The following MED27 variants were observed in gnomAD, a reference collection of about 807,000 sequenced individuals.
The protein encoded by MED27 is mediator of RNA polymerase II transcription subunit 27.
Under a neutral mutation model 38.2 loss-of-function variants are expected in MED27, and 30 were observed. The observed-to-expected ratio is 0.79, with a 90% CI of 0.59 to 1.07. MED27 has a LOEUF of 1.07. Ranked by LOEUF, MED27 falls within the 50% of genes least tolerant of loss-of-function variation. The pLI is 0.00. For synonymous variants in MED27, 122 were observed against 153.5 expected (o/e 0.79, Z 1.52); for missense variants, 289 against 397.5 (o/e 0.73, Z 2.32).
chr9:131,902,655 G>A (rs959304855), intron 4 of MED27, among the ~76,000 whole-genome samples: 2 of 152,188 alleles, frequency 1.3e-5, no homozygotes, highest in African/African-American at 4.8e-5. Context: ...TTGTGCCTCT[G>A]ATGATAAAAC....
chr9:132,020,158 T>G (rs1233008896), intron 2 of MED27, among the ~76,000 whole-genome samples: 1 of 152,194 alleles, frequency 6.6e-6, no homozygotes, highest in Non-Finnish European at 1.5e-5. Flanking sequence ...GCAGTTGTGC[T>G]TCTGTCTAAC....
Position 131,981,496 on chromosome 9 carries a change from G to C in MED27, c.479+32841C>G, listed in dbSNP as rs575439323. Among the ~76,000 whole-genome samples, 4 of 152,322 alleles carry C rather than the reference G, an allele frequency of 2.6e-5. No homozygotes were observed. The South Asian group carries it at 8.3e-4, about 32-fold the overall frequency. On this transcript the variant is annotated intron_variant, in intron 3 of 7. Coordinates refer to ENST00000292035, the MANE Select transcript of MED27 (RefSeq NM_004269.4). ...TATTTTAAAATGTGGCCATTTGTGA[G>C]AACCAATCCTAACTGAGGCAAGCTG...
chr9:131,892,731 T>G (rs1243243187), intron 5 of MED27, among the ~76,000 whole-genome samples: 1 of 152,178 alleles, frequency 6.6e-6, no homozygotes, highest in African/African-American at 2.4e-5. Flanking sequence ...ACCAACAGTG[T>G]GGAACCTTCT....
chr9:132,016,000 G>T (rs1832593954), intron 2 of MED27, among the ~76,000 whole-genome samples: 1 of 152,130 alleles, frequency 6.6e-6, no homozygotes, highest in African/African-American at 2.4e-5. Context: ...TCATTCTAAA[G>T]CTCTGAATCA....
In MED27 at chr9:131,982,319, C is replaced by G. The variant is rs4455993; in HGVS notation, c.479+32018G>C. Among the ~76,000 whole-genome samples the G allele has an allele frequency of 6.6e-6, 1 of 152,194 alleles. No individual in the cohort carries two copies. The highest frequency in any genetic ancestry group is 1.5e-5 in the Non-Finnish European group (1 of 68,034). ...CAAGAGATCACGTGCAGAGGCCACA[C>G]GGAGAGGGAGGGGCTCTGAGGCTAC... On this transcript the variant is annotated intron_variant, in intron 3 of 7. Coordinates refer to ENST00000292035, the MANE Select transcript of MED27 (RefSeq NM_004269.4). The surrounding 1 kb of genome is among the most constrained non-coding windows in gnomAD (Gnocchi z 4.3).
chr9:132,031,351 T>C lies in MED27; in HGVS notation c.349-16884A>G, dbSNP rs10114728. On this transcript the variant is annotated intron_variant, in intron 2 of 7. Coordinates refer to ENST00000292035, the MANE Select transcript of MED27 (RefSeq NM_004269.4). ...AAAAAACATTTCATAGTCATAATAA[T>C]GTAAAAACCAAGTATCAATTAAAGC... Among the ~76,000 whole-genome samples the C allele has an allele frequency of 5.5e-3, 834 of 152,360 alleles. 4 individuals are homozygous for C. The highest frequency in any genetic ancestry group is 0.019 in the African/African-American group (794 of 41,586).
intron 3 of MED27, among the ~76,000 whole-genome samples, chr9:131,944,966 G>A (rs368432467): frequency 7.9e-5 from 12 of 151,886 alleles, no homozygotes; most frequent in African/African-American, 2.7e-4. Context: ...CCCAAGTTAA[G>A]CATCCCTGCT....
intron 2 of MED27, among the ~76,000 whole-genome samples, chr9:132,045,758 A>C (rs1297563805): frequency 6.6e-6 from 1 of 152,180 alleles, no homozygotes; most frequent in Non-Finnish European, 1.5e-5. Context: ...CAGCTAAAAC[A>C]CTCTGTTTCT....
intron 3 of MED27, among the ~76,000 whole-genome samples, chr9:131,956,854 A>G (rs192853243): frequency 3.9e-3 from 595 of 152,246 alleles, no homozygotes; most frequent in Non-Finnish European, 6.7e-3. Context: ...ACACACTTTC[A>G]GCAGAGTAGG....
At chr9:132,008,080 G>T (rs1776088655) in intron 3 of MED27, among the ~76,000 whole-genome samples, 1 of 152,196 alleles carries the variant, frequency 6.6e-6, no homozygotes, top group Admixed American at 6.5e-5. Flanking sequence ...CTGAAAGCTG[G>T]CATTTCATCA....
At chr9:132,014,301 C>T in intron 3 of MED27, 36 bp downstream of exon 3, 1 of 1,584,680 alleles carries the variant, frequency 6.3e-7, no homozygotes, top group Non-Finnish European at 8.6e-7. Context: ...AAAAGTTCAC[C>T]CAGTACTAAA....
chr9:132,015,348 T>G (rs1832578853), intron 2 of MED27, among the ~76,000 whole-genome samples: 1 of 152,222 alleles, frequency 6.6e-6, no homozygotes, highest in African/African-American at 2.4e-5. Flanking sequence ...CATCCCTTAC[T>G]TGATCCCTGG....
At chr9:131,994,403 C>G (rs1377664436) in intron 3 of MED27, among the ~76,000 whole-genome samples, 1 of 152,178 alleles carries the variant, frequency 6.6e-6, no homozygotes, top group Admixed American at 6.5e-5. Flanking sequence ...CATTAAAAAC[C>G]AATATTGCAT....
chr9:131,952,867 C>A (rs1175014512), intron 3 of MED27, among the ~76,000 whole-genome samples: 1 of 152,222 alleles, frequency 6.6e-6, no homozygotes, highest in Non-Finnish European at 1.5e-5. Flanking sequence ...TTATACCCTG[C>A]CCACACCTTT....
At chr9:132,071,434 T>G (rs1186677164) in intron 2 of MED27, among the ~76,000 whole-genome samples, 2 of 137,588 alleles carry the variant, frequency 1.5e-5, no homozygotes, top group Non-Finnish European at 3.1e-5. Flanking sequence ...GAATAACAGG[T>G]GCCTCATAAA....
At chr9:131,890,286 C>T (rs1272849246) in intron 5 of MED27, among the ~76,000 whole-genome samples, 5 of 152,160 alleles carry the variant, frequency 3.3e-5, no homozygotes, top group East Asian at 1.9e-4. Context: ...CTGGTTCTCT[C>T]GGTCTTGCAA....
At chr9:132,077,705 A>G in intron 1 of MED27, 119 bp from the exon 2 acceptor site, 1 of 1,029,722 alleles carries the variant, frequency 9.7e-7, no homozygotes, top group South Asian at 2.1e-5. Flanking sequence ...TTAAGAAGAA[A>G]TACTTTTTGA....
At chr9:131,904,093 G>C (rs896025641) in intron 4 of MED27, among the ~76,000 whole-genome samples, 1 of 152,082 alleles carries the variant, frequency 6.6e-6, no homozygotes, top group Admixed American at 6.5e-5. Flanking sequence ...AGAGACGGGG[G>C]TTTCACCATG....
chr9:132,041,093 G>A lies in MED27; in HGVS notation c.349-26626C>T, dbSNP rs1457436381. 2.0e-5 allele frequency among the ~76,000 whole-genome samples: 3 copies of A among 152,126 alleles called. No homozygotes were observed. The East Asian group carries it at 5.8e-4, about 29-fold the overall frequency. Reference sequence around the variant, plus strand: ...GAGCAGAAGGGAAGAACAAGAAAGAGGAAATAAAGTAAAGAGGGGTAGAGA... The same window carrying A: ...GAGCAGAAGGGAAGAACAAGAAAGAAGAAATAAAGTAAAGAGGGGTAGAGA... On this transcript the variant is annotated intron_variant, in intron 2 of 7. Transcript: ENST00000292035.
Sources: gnomAD v4.1 joint callset for allele counts (sites outside exome capture counted in the v4.1 genomes callset) on GRCh38, gnomAD v4.1.1 for gene constraint, Gnocchi (gnomAD v3.1) non-coding constraint, MANE v1.5 for transcripts, NCBI Gene and HGNC (gene_info 2026-07-23, HGNC 2026-07-21) for gene names.